Variants in PREX1 observed in about 807,000 individuals in gnomAD.
PREX1 encodes phosphatidylinositol-3,4,5-trisphosphate dependent Rac exchange factor 1.
Under a neutral mutation model 198.3 loss-of-function variants are expected in PREX1, and 41 were observed. The ratio of observed to expected loss-of-function variants is 0.21; its 90% CI spans 0.16 to 0.27. The LOEUF (loss-of-function observed/expected upper bound fraction) is 0.27, where lower values mean the gene tolerates loss of function less well. Among genes scored for constraint, PREX1 ranks in the 10% least tolerant of loss-of-function variants. The pLI is 1.00. For missense variants in PREX1, 1,620 were observed against 2,200.7 expected (o/e 0.74, Z 5.28); for synonymous variants, 843 against 887.2 (o/e 0.95, Z 0.89).
Position 48,774,929 on chromosome 20 carries a change from G to A in PREX1, c.220-27049C>T, listed in dbSNP as rs138763880. 2.4e-4 allele frequency among the ~76,000 whole-genome samples: 37 copies of A among 152,338 alleles called. No individual in the cohort carries two copies. The East Asian group carries it at 2.9e-3, about 12-fold the overall frequency. On this transcript the variant is annotated intron_variant, in intron 1 of 39. Coordinates refer to ENST00000371941, the MANE Select transcript of PREX1 (RefSeq NM_020820.4). Reference sequence around the variant, plus strand: ...TCCACAGAGCGAGGCTGAATTCAGCGTTAAATGGCTCTGCAGGGTGGCAGG... The same window carrying A: ...TCCACAGAGCGAGGCTGAATTCAGCATTAAATGGCTCTGCAGGGTGGCAGG...
At chr20:48,867,761 C>T in the PREX1 span, among the ~76,000 whole-genome samples, 1 of 152,076 alleles carries the variant, frequency 6.6e-6, no homozygotes, top group African/African-American at 2.4e-5. Flanking sequence ...TGCCACTGCA[C>T]TCCTGCCTGG....
At chr20:48,836,424 G>C in the PREX1 span, among the ~76,000 whole-genome samples, 1 of 152,144 alleles carries the variant, frequency 6.6e-6, no homozygotes, top group Admixed American at 6.5e-5. Flanking sequence ...ACAGGGGTGA[G>C]GGACAGTTCC....
chr20:48,650,138 C>T lies in PREX1; in HGVS notation c.2886G>A (p.Leu962=). The T allele has an allele frequency of 6.2e-7, 1 of 1,614,076 alleles. No homozygotes were observed. Among genetic ancestry groups the T allele is most frequent in the Non-Finnish European group, 8.5e-7 (1 of 1,179,978 alleles). ...TGGTGGGGCAGAAGTCCAGGCCACACAGCGGGTGGGGCTCCAGGGGGGCTT... is the reference window on the plus strand; with the variant it reads ...TGGTGGGGCAGAAGTCCAGGCCACATAGCGGGTGGGGCTCCAGGGGGGCTT... The part of the protein sequence containing the change: ...FKQAPLEPHP[L]CGLDFCPTNC... The change falls in exon 24 of 40, where the codon CTG becomes CTA. Residue 962 remains leucine (L), a synonymous_variant. Transcript: ENST00000371941.
intron 13 of PREX1, among the ~76,000 whole-genome samples, chr20:48,678,964 A>G (rs1189719743): frequency 6.6e-6 from 1 of 152,212 alleles, no homozygotes; most frequent in Non-Finnish European, 1.5e-5. Flanking sequence ...GAGGGAACGA[A>G]TATGAAGGTA....
intron 7 of PREX1, among the ~76,000 whole-genome samples, chr20:48,696,020 T>C (rs1450877738): frequency 6.6e-6 from 1 of 152,256 alleles, no homozygotes; most frequent in East Asian, 1.9e-4. Context: ...CTCTGGCCAT[T>C]ATACAAACTG....
chr20:48,670,055 A>T (rs2089665074), intron 14 of PREX1, among the ~76,000 whole-genome samples: 1 of 152,212 alleles, frequency 6.6e-6, no homozygotes, highest in South Asian at 2.1e-4. Context: ...CCCACTCGAC[A>T]GAGGAGGAAA....
intron 1 of PREX1, among the ~76,000 whole-genome samples, chr20:48,789,279 T>C (rs559522721): frequency 2.0e-5 from 3 of 152,098 alleles, no homozygotes; most frequent in Non-Finnish European, 4.4e-5. Context: ...TTCCTCAACA[T>C]CTCCATCCAC....
chr20:48,657,297 C>A (rs1397667351), intron 17 of PREX1, 109 bp from the exon 18 acceptor site: 1 of 1,337,596 alleles, frequency 7.5e-7, no homozygotes, highest in Non-Finnish European at 1.0e-6. Flanking sequence ...CCCAAGGGAT[C>A]CAGCAGGACT....
At chr20:48,636,749 C>CA (rs2089368688) in intron 31 of PREX1, 66 bp from the exon 32 acceptor site, 2 of 1,432,980 alleles carry the variant, frequency 1.4e-6, no homozygotes, top group Admixed American at 2.1e-5. Flanking sequence ...GCCCACCCCC[C>CA]AAAACCCTGG....
chr20:48,744,954 G>T, intron 3 of PREX1, 71 bp downstream of exon 3: 1 of 1,575,882 alleles, frequency 6.3e-7, no homozygotes, highest in Non-Finnish European at 8.7e-7. Flanking sequence ...AAGGCGGATG[G>T]GGCAGGGACC....
chr20:48,824,294 G>T (rs1173087337), intron 1 of PREX1, among the ~76,000 whole-genome samples: 1 of 152,138 alleles, frequency 6.6e-6, no homozygotes, highest in Non-Finnish European at 1.5e-5. Context: ...TGAAGGAGAT[G>T]GGGAAAGATG....
chr20:48,695,591 T>G (rs1165914375), intron 7 of PREX1, among the ~76,000 whole-genome samples: 1 of 152,228 alleles, frequency 6.6e-6, no homozygotes, highest in Non-Finnish European at 1.5e-5. Flanking sequence ...GTATTTTATG[T>G]CTCATTTTGG....
the PREX1 span, among the ~76,000 whole-genome samples, chr20:48,881,006 A>AAAAAAAAAAAAAAAAG: frequency 6.6e-6 from 1 of 150,688 alleles, no homozygotes; most frequent in African/African-American, 2.4e-5. Context: ...AAAAAAAAAA[A>AAAAAAAAAAAAAAAAG]AAAGCTTCTT....
At chr20:48,816,002 T>A (rs1334508450) in intron 1 of PREX1, among the ~76,000 whole-genome samples, 2 of 139,638 alleles carry the variant, frequency 1.4e-5, no homozygotes, top group South Asian at 2.2e-4. Flanking sequence ...AGAGTGAGAC[T>A]CTGTCTCAAA....
intron 39 of PREX1, among the ~76,000 whole-genome samples, chr20:48,627,250 C>T (rs1397712296): frequency 1.8e-4 from 19 of 106,708 alleles, no homozygotes; most frequent in Admixed American, 1.6e-3. Context: ...GTGGAGGGCA[C>T]GGGGCGGGGG....
At chr20:48,655,194 C>A (rs932216353) in intron 19 of PREX1, 96 bp downstream of exon 19, 2 of 1,226,940 alleles carry the variant, frequency 1.6e-6, no homozygotes, top group Admixed American at 2.9e-5. Flanking sequence ...CATTGTCTGG[C>A]AGAAGCCTAG....
the PREX1 span, among the ~76,000 whole-genome samples, chr20:48,879,359 C>T: frequency 2.0e-5 from 3 of 152,170 alleles, no homozygotes; most frequent in African/African-American, 7.2e-5. Context: ...CTGGTATTCA[C>T]TTGGGACCAG....
At chr20:48,682,595 AGGTC>A in intron 10 of PREX1, among the ~76,000 whole-genome samples, 1 of 152,184 alleles carries the variant, frequency 6.6e-6, no homozygotes, top group East Asian at 1.9e-4. Flanking sequence ...GAATGTTCTG[AGGTC>A]GGCAGGAAGG....
chr20:48,671,259 A>T (rs1261744949), intron 14 of PREX1, among the ~76,000 whole-genome samples: 1 of 152,198 alleles, frequency 6.6e-6, no homozygotes, highest in Non-Finnish European at 1.5e-5. Flanking sequence ...TAATACACAG[A>T]AAGAAAAAAT....
Sources: gnomAD v4.1 joint callset for allele counts (sites outside exome capture counted in the v4.1 genomes callset) on GRCh38, gnomAD v4.1.1 for gene constraint, MANE v1.5 for transcripts, NCBI Gene and HGNC (gene_info 2026-07-23, HGNC 2026-07-21) for gene names.